Variants in NLN observed in about 807,000 individuals in gnomAD.
NLN encodes the protein neurolysin, mitochondrial.
NLN carries 64 observed loss-of-function variants against 79.9 expected under a neutral mutation model. The observed-to-expected ratio is 0.80, with a 90% CI of 0.65 to 0.99. The LOEUF is 0.99. Among genes scored for constraint, NLN ranks in the 50% least tolerant of loss-of-function variants. The probability of loss-of-function intolerance (pLI) is 0.00; values close to 1 mark genes in which losing one functional copy is unlikely to be tolerated. For synonymous variants in NLN, 267 were observed against 296.6 expected, an observed-to-expected ratio of 0.90 and a Z score of 1.02; for missense variants, 835 against 858.7, an observed-to-expected ratio of 0.97 and a Z score of 0.34.
chr5:65,810,302 T>C (rs1213015457), intron 11 of NLN, 137 bp downstream of exon 11: 2 of 752,240 alleles, frequency 2.7e-6, no homozygotes, highest in African/African-American at 3.5e-5. Context: ...GACTTTCAGA[T>C]AAGCATACTA....
chr5:65,734,742 A>G (rs2548776), intron 1 of NLN, among the ~76,000 whole-genome samples: 36,020 of 152,088 alleles, frequency 0.24, 4,409 homozygotes, highest in African/African-American at 0.27. Flanking sequence ...AGTGACTGAA[A>G]TAATCACAGG....
Position 65,792,501 on chromosome 5 carries a change from G to A in NLN, c.1373G>A (p.Cys458Tyr). 6.2e-7 allele frequency: 1 copy of A among 1,614,150 alleles called. No individual in the cohort carries two copies. The highest frequency in any genetic ancestry group is 8.5e-7 in the Non-Finnish European group (1 of 1,180,024). The change falls in exon 9 of 13, where the codon TGC becomes TAC. Residue 458 changes from cysteine to tyrosine, a missense_variant. Cys to Tyr is a radical substitution (Grantham distance 194). Coordinates refer to ENST00000380985, the MANE Select transcript of NLN (RefSeq NM_020726.5). ...GCCTGCTTCGGTCTCCAGCCTGGCT[G>A]CCTTCTGCCTGATGGAAGCCGGATG... ...HAACFGLQPGCLLPDGSRMMA... is the reference protein window; with the variant it reads ...HAACFGLQPGYLLPDGSRMMA...
intron 9 of NLN, among the ~76,000 whole-genome samples, chr5:65,797,650 A>G (rs955115746): frequency 8.5e-5 from 13 of 152,234 alleles, no homozygotes; most frequent in African/African-American, 3.1e-4. Context: ...GAATTAAACC[A>G]AGCATATGTG....
At chr5:65,801,518 GTCC>G (rs565180133) in intron 9 of NLN, among the ~76,000 whole-genome samples, 15 of 152,180 alleles carry the variant, frequency 9.9e-5, no homozygotes, top group Non-Finnish European at 2.2e-4. Context: ...TAGGTTCTTT[GTCC>G]TCCTTTTTTG....
chr5:65,818,840 A>G (rs1390501015), intron 12 of NLN: 1 of 152,240 alleles, frequency 6.6e-6, no homozygotes, highest in East Asian at 1.9e-4. Context: ...AGAGTCATCC[A>G]TGCTGGGAAG....
chr5:65,792,488 C>G lies in NLN; in HGVS notation c.1360C>G (p.Leu454Val). Residue 454 changes from leucine (L) to valine (V), a missense_variant, in exon 9 of 13, where the codon CTC becomes GTC. By Grantham distance (32) the Leu-to-Val change is conservative. Transcript: ENST00000380985. The part of the protein sequence containing the change: ...GKYNHAACFG[L>V]QPGCLLPDGS... ...ATACAATCATGCGGCCTGCTTCGGT[C>G]TCCAGCCTGGCTGCCTTCTGCCTGA... The G allele has an allele frequency of 6.2e-7, 1 of 1,614,138 alleles. No homozygotes were observed. Among genetic ancestry groups the G allele is most frequent in the Non-Finnish European group, 8.5e-7 (1 of 1,180,006 alleles).
chr5:65,729,695 T>C (rs1465342088), intron 1 of NLN, among the ~76,000 whole-genome samples: 1 of 152,220 alleles, frequency 6.6e-6, no homozygotes, highest in African/African-American at 2.4e-5. Flanking sequence ...TCTTTCTTTT[T>C]TGTTTGTCCT....
chr5:65,812,524 C>T (rs1760576855), intron 12 of NLN, 133 bp downstream of exon 12: 1 of 621,308 alleles, frequency 1.6e-6, no homozygotes, highest in Non-Finnish European at 2.8e-6. Flanking sequence ...TGAGGCCCTG[C>T]ATCTTTCAAA....
At chr5:65,785,306 C>G (rs919997082) in intron 6 of NLN, among the ~76,000 whole-genome samples, 43 of 152,176 alleles carry the variant, frequency 2.8e-4, no homozygotes, top group Non-Finnish European at 6.2e-4. Flanking sequence ...TCCAATTTCT[C>G]CATTTCCTCA....
chr5:65,777,393 C>T (rs1561197212), intron 3 of NLN, 34 bp from the exon 4 acceptor site: 1 of 1,378,126 alleles, frequency 7.3e-7, no homozygotes, highest in Non-Finnish European at 1.0e-6. Flanking sequence ...TGCACTGTTT[C>T]AACCGAAATG....
Position 65,778,111 on chromosome 5 carries a change from T to A in NLN, c.558+577T>A, listed in dbSNP as rs1759720218. ...CAGAGATGGGGCACTGATTATAAAA[T>A]CCTTACCGATGGAGAGTTTTAAAAC... On this transcript the variant is annotated intron_variant, in intron 4 of 12. Coordinates refer to ENST00000380985, the MANE Select transcript of NLN (RefSeq NM_020726.5). 2.0e-5 allele frequency among the ~76,000 whole-genome samples: 3 copies of A among 152,144 alleles called. 1 individual carries two copies. The highest frequency in any genetic ancestry group is 6.3e-3 in the Middle Eastern group (2 of 316).
intron 9 of NLN, among the ~76,000 whole-genome samples, chr5:65,807,034 G>A (rs544688101): frequency 8.0e-4 from 121 of 152,060 alleles, no homozygotes; most frequent in African/African-American, 2.6e-3. Flanking sequence ...AAAAGTAGCC[G>A]GGCATGATGG....
chr5:65,727,225 G>A (rs1385863863), intron 1 of NLN, among the ~76,000 whole-genome samples: 1 of 152,128 alleles, frequency 6.6e-6, no homozygotes, highest in Admixed American at 6.5e-5. Flanking sequence ...AAGTGCAGTG[G>A]GGCATGATCA....
Position 65,737,280 on chromosome 5 carries a change from A to C in NLN, c.41+14866A>C, listed in dbSNP as rs140017273. Among the ~76,000 whole-genome samples, 3 of 152,262 alleles carry C rather than the reference A, an allele frequency of 2.0e-5. No individual in the cohort carries two copies. In the East Asian group the frequency reaches 5.8e-4, roughly 29 times the overall value. On this transcript the variant is annotated intron_variant, in intron 1 of 12. Transcript: ENST00000380985. ...AGGGGGTCAAAAAGTAAACTAATAA[A>C]TCTCTAAACTAATAAATCTCTAAAT... is the stretch of plus-strand genomic sequence containing the variant.
intron 9 of NLN, among the ~76,000 whole-genome samples, chr5:65,808,776 T>G (rs1004548037): frequency 1.9e-4 from 29 of 152,228 alleles, no homozygotes; most frequent in African/African-American, 6.5e-4. Context: ...CTATAGCATA[T>G]AACTCACTCC....
At chr5:65,769,052 T>C (rs1759512228) in intron 3 of NLN, among the ~76,000 whole-genome samples, 2 of 152,224 alleles carry the variant, frequency 1.3e-5, no homozygotes, top group South Asian at 4.1e-4. Flanking sequence ...GTAGGACTTC[T>C]TTCATGAGAC....
rs772218638 is a variant in NLN, at chr5:65,788,250, A to G, written c.1091A>G (p.Tyr364Cys). Residue 364 changes from tyrosine (Y) to cysteine (C), a missense_variant, in exon 8 of 13, where the codon TAC becomes TGC. Transcript: ENST00000380985. The part of the protein sequence containing the change: ...GKINAWDLYY[Y>C]MTQTEELKYS... ...ATCAATGCCTGGGATCTATATTACT[A>G]CATGACTCAGACAGAGGAACTCAAG... is the stretch of plus-strand genomic sequence containing the variant. The G allele has an allele frequency of 1.2e-6, 2 of 1,614,200 alleles. No homozygotes were observed. Among genetic ancestry groups the G allele is most frequent in the South Asian group, 2.2e-5 (2 of 91,088 alleles).
intron 12 of NLN, among the ~76,000 whole-genome samples, chr5:65,815,579 A>G (rs1223707801): frequency 6.6e-6 from 1 of 152,106 alleles, no homozygotes; most frequent in Admixed American, 6.6e-5. Flanking sequence ...TTCCTTTCAA[A>G]TGCTCTGAGT....
intron 12 of NLN, among the ~76,000 whole-genome samples, chr5:65,820,628 T>C (rs1244688452): frequency 1.3e-5 from 2 of 152,174 alleles, no homozygotes; most frequent in Non-Finnish European, 2.9e-5. Flanking sequence ...TTAAAATCCA[T>C]GACAAGCACA....
Sources: gnomAD v4.1 joint callset for allele counts (sites outside exome capture counted in the v4.1 genomes callset) on GRCh38, gnomAD v4.1.1 for gene constraint, MANE v1.5 for transcripts, NCBI Gene and HGNC (gene_info 2026-07-23, HGNC 2026-07-21) for gene names.